SIRPD: variants seen among roughly 807,000 people sequenced by gnomAD.
SIRPD encodes the protein signal regulatory protein delta.
In SIRPD, 21 loss-of-function variants were observed where a neutral mutation model predicts 18.0. The ratio of observed to expected loss-of-function variants is 1.17; its 90% CI spans 0.83 to 1.68. The LOEUF (loss-of-function observed/expected upper bound fraction) is 1.68. SIRPD is among the 40% of genes most tolerant of loss of function. The probability of loss-of-function intolerance (pLI) is 0.00; values close to 1 mark genes in which losing one functional copy is unlikely to be tolerated. For synonymous variants in SIRPD, 106 were observed against 92.9 expected (o/e 1.14, Z -0.81); for missense variants, 295 against 238.4 (o/e 1.24, Z -1.56).
In SIRPD at chr20:1,552,012, G is replaced by A. The variant is rs1162279781; in HGVS notation, c.100C>T (p.Gln34Ter). 3.7e-6 allele frequency: 6 copies of A among 1,613,844 alleles called. 1 individual carries two copies. Among genetic ancestry groups the A allele is most frequent in the Middle Eastern group, 3.3e-4 (2 of 6,058 alleles). ...AGVTHVFHVQ[Q>*]TEMSQTVSTG... The stretch of plus-strand genomic sequence containing the variant: ...GATACAGTCTGTGACATCTCCGTTT[G>A]TTGCACATGGAACACATGTGTGACT... The change falls in exon 2 of 4, where the codon CAA becomes TAA. Residue 34 changes from glutamine (Q) to a stop codon, truncating the protein, a stop_gained. Transcript: ENST00000381623. LOFTEE classifies it high-confidence loss of function.
At chr20:1,542,707 G>A (rs940182346) in intron 2 of SIRPD, among the ~76,000 whole-genome samples, 1 of 152,158 alleles carries the variant, frequency 6.6e-6, no homozygotes, top group Admixed American at 6.6e-5. Context: ...GGGCATTCTT[G>A]TCTTGCTCTG....
chr20:1,556,028 T>C (rs1050718133), intron 1 of SIRPD, among the ~76,000 whole-genome samples: 3 of 152,228 alleles, frequency 2.0e-5, no homozygotes, highest in Admixed American at 6.5e-5. Context: ...CTCAGTTCAT[T>C]GCCATGTGGG....
At chr20:1,546,510 G>A (rs2090994202) in intron 2 of SIRPD, among the ~76,000 whole-genome samples, 1 of 152,132 alleles carries the variant, frequency 6.6e-6, no homozygotes, top group Non-Finnish European at 1.5e-5. Flanking sequence ...TGTTTGGATT[G>A]TTTCTACCTT....
rs1033122579 is a variant in SIRPD, at chr20:1,557,208, G to A, written c.73+373C>T. On this transcript the variant is annotated intron_variant, in intron 1 of 3. Coordinates refer to ENST00000381623, the MANE Select transcript of SIRPD (RefSeq NM_178460.3). ...GTGGAAGTTGTAGTGAGCCAAGATCGCACCACTGCACTCCAGCCTAGGTGA... is the reference window on the plus strand; with the variant it reads ...GTGGAAGTTGTAGTGAGCCAAGATCACACCACTGCACTCCAGCCTAGGTGA... 3.9e-5 allele frequency among the ~76,000 whole-genome samples: 6 copies of A among 152,034 alleles called. No individual in the cohort carries two copies. In the South Asian group the frequency reaches 6.2e-4, roughly 16 times the overall value.
intron 1 of SIRPD, among the ~76,000 whole-genome samples, chr20:1,556,895 T>C (rs749195314): frequency 1.3e-5 from 2 of 152,236 alleles, no homozygotes; most frequent in Non-Finnish European, 2.9e-5. Flanking sequence ...CAGTACTTTT[T>C]AAGAGCAGCC....
In SIRPD at chr20:1,537,318, G is replaced by A. The variant is rs1600061791; in HGVS notation, c.422-8C>T. On this transcript the variant is annotated splice_polypyrimidine_tract_variant and splice_region_variant and intron_variant, in intron 2 of 3. Coordinates refer to ENST00000381623, the MANE Select transcript of SIRPD (RefSeq NM_178460.3). The stretch of plus-strand genomic sequence containing the variant: ...GAGGTCTTGGATTCTGCTCTGCTGA[G>A]AGAGGCAAAACTATGTGTTCCATGA... The A allele has an allele frequency of 3.7e-6, 6 of 1,612,718 alleles. No individual in the cohort carries two copies. Among genetic ancestry groups the A allele is most frequent in the Non-Finnish European group, 5.1e-6 (6 of 1,179,100 alleles).
intron 1 of SIRPD, among the ~76,000 whole-genome samples, chr20:1,557,263 G>A (rs1227159331): frequency 2.0e-5 from 3 of 151,824 alleles, no homozygotes; most frequent in Non-Finnish European, 4.4e-5. Flanking sequence ...AAAAAAATAA[G>A]TAAAGGTAAA....
chr20:1,553,422 C>T (rs2091027641), intron 1 of SIRPD, among the ~76,000 whole-genome samples: 1 of 152,128 alleles, frequency 6.6e-6, no homozygotes, highest in African/African-American at 2.4e-5. Flanking sequence ...TGTTTTGGCC[C>T]AGGAGATACT....
intron 2 of SIRPD, 44 bp downstream of exon 2, chr20:1,551,647 G>A (rs1458804329): frequency 7.0e-7 from 1 of 1,428,106 alleles, no homozygotes; most frequent in South Asian, 1.3e-5. Flanking sequence ...CTGCTGAGAT[G>A]ATATTATACA....
intron 2 of SIRPD, among the ~76,000 whole-genome samples, chr20:1,539,202 A>T (rs2090960498): frequency 6.6e-6 from 1 of 152,178 alleles, no homozygotes; most frequent in South Asian, 2.1e-4. Context: ...TTAGTCCAAA[A>T]TATTTTCTAG....
intron 1 of SIRPD, among the ~76,000 whole-genome samples, chr20:1,553,480 T>C (rs1457587590): frequency 6.6e-6 from 1 of 152,166 alleles, no homozygotes; most frequent in Non-Finnish European, 1.5e-5. Flanking sequence ...CATCAGAAGC[T>C]AAGATGTGGC....
intron 2 of SIRPD, among the ~76,000 whole-genome samples, chr20:1,541,813 G>GAGT (rs1448670246): frequency 5.9e-5 from 9 of 152,156 alleles, no homozygotes. Flanking sequence ...GTTAATTTTT[G>GAGT]TATAAGGGGT....
intron 2 of SIRPD, among the ~76,000 whole-genome samples, chr20:1,544,962 T>A (rs117972412): frequency 0.056 from 8,528 of 152,330 alleles, 277 homozygotes; most frequent in Non-Finnish European, 0.075. Context: ...TTCTGGCTTG[T>A]ACGGTTTCTG....
chr20:1,541,203 G>A (rs2090969631), intron 2 of SIRPD, among the ~76,000 whole-genome samples: 1 of 152,172 alleles, frequency 6.6e-6, no homozygotes, highest in African/African-American at 2.4e-5. Flanking sequence ...GATCCTTGAG[G>A]AATCACTGCA....
intron 2 of SIRPD, among the ~76,000 whole-genome samples, chr20:1,542,964 A>AT (rs1361440056): frequency 4.7e-5 from 7 of 149,482 alleles, no homozygotes; most frequent in African/African-American, 1.8e-4. Flanking sequence ...CCAGCCTTGC[A>AT]TCCCAGGGAT....
At chr20:1,545,479 T>C (rs2090989597) in intron 2 of SIRPD, among the ~76,000 whole-genome samples, 1 of 152,212 alleles carries the variant, frequency 6.6e-6, no homozygotes, top group Non-Finnish European at 1.5e-5. Flanking sequence ...TCATTTATGT[T>C]CTTCTCTAAA....
rs1472588344 is a variant in SIRPD, at chr20:1,552,008, GTT to G, written c.102_103del (p.Gln34HisfsTer48). 6.2e-7 allele frequency: 1 copy of G among 1,613,842 alleles called. No homozygotes were observed. On this transcript the variant is annotated frameshift_variant, in exon 2 of 4. Coordinates refer to ENST00000381623, the MANE Select transcript of SIRPD (RefSeq NM_178460.3). LOFTEE classifies it high-confidence loss of function. ...AGTTGATACAGTCTGTGACATCTCC[GTT>G]TGTTGCACATGGAACACATGTGTGA...
intron 2 of SIRPD, among the ~76,000 whole-genome samples, chr20:1,539,731 CCT>C (rs202123315): frequency 0.014 from 2,159 of 152,250 alleles, 9 homozygotes; most frequent in African/African-American, 0.021. Flanking sequence ...TTCTTCTTCC[CCT>C]CTCTCCTGCT....
At chr20:1,557,157 G>A (rs1419974174) in intron 1 of SIRPD, among the ~76,000 whole-genome samples, 2 of 152,174 alleles carry the variant, frequency 1.3e-5, no homozygotes, top group Admixed American at 6.5e-5. Context: ...GGAGTTGGAG[G>A]CACGAGAATC....
Sources: gnomAD v4.1 joint callset for allele counts (sites outside exome capture counted in the v4.1 genomes callset) on GRCh38, gnomAD v4.1.1 for gene constraint, MANE v1.5 for transcripts, NCBI Gene and HGNC (gene_info 2026-07-23, HGNC 2026-07-21) for gene names.